RABGAP1L: variants seen among roughly 807,000 people sequenced by gnomAD.
The protein encoded by RABGAP1L is RAB GTPase activating protein 1 like.
In RABGAP1L, 63 loss-of-function variants were observed where a neutral mutation model predicts 137.7. The observed-to-expected ratio is 0.46, with a 90% CI of 0.37 to 0.56. RABGAP1L has a LOEUF of 0.56. RABGAP1L is among the 20% of genes least tolerant of loss of function. RABGAP1L has a pLI of 0.00. For missense variants in RABGAP1L, 1,095 were observed against 1,244.0 expected, an observed-to-expected ratio of 0.88 and a Z score of 1.80; for synonymous variants, 431 against 433.7, an observed-to-expected ratio of 0.99 and a Z score of 0.08.
intron 13 of RABGAP1L, among the ~76,000 whole-genome samples, chr1:174,570,298 A>T (rs1481868617): frequency 6.6e-6 from 1 of 152,284 alleles, no homozygotes; most frequent in East Asian, 1.9e-4. Context: ...TTTCAGATAG[A>T]CTAGGTTTTT....
chr1:174,397,736 A>G (rs1328389552), intron 13 of RABGAP1L, among the ~76,000 whole-genome samples: 1 of 152,158 alleles, frequency 6.6e-6, no homozygotes, highest in Non-Finnish European at 1.5e-5. Context: ...AGTCTACTCA[A>G]GGTAGCCAGA....
At chr1:174,602,656 A>T (rs575176281) in intron 13 of RABGAP1L, among the ~76,000 whole-genome samples, 1 of 152,010 alleles carries the variant, frequency 6.6e-6, no homozygotes, top group African/African-American at 2.4e-5. Context: ...GCCTTTTCTG[A>T]CTATTTATTT....
At chr1:174,224,107 G>A (rs540460571) in intron 3 of RABGAP1L, among the ~76,000 whole-genome samples, 1 of 152,256 alleles carries the variant, frequency 6.6e-6, no homozygotes, top group Admixed American at 6.5e-5. Flanking sequence ...AAACAATGGA[G>A]CATATTTTTG....
intron 13 of RABGAP1L, among the ~76,000 whole-genome samples, chr1:174,494,331 T>C (rs565403865): frequency 1.3e-5 from 2 of 152,348 alleles, no homozygotes; most frequent in Non-Finnish European, 2.9e-5. Context: ...TTTGCTGCTA[T>C]TTAAAGCACC....
chr1:174,401,102 A>G (rs1648526277), intron 13 of RABGAP1L, among the ~76,000 whole-genome samples: 1 of 152,056 alleles, frequency 6.6e-6, no homozygotes, highest in African/African-American at 2.4e-5. Context: ...AAGAGCTGTT[A>G]TATGTAAATC....
Position 174,683,538 on chromosome 1 carries a change from A to C in RABGAP1L, c.1841A>C (p.Asp614Ala). ...YKICKAYSVY[D>A]EDIGYCQGQS... is the part of the protein sequence containing the mutation. ...TTTCTCTAGGCCTACTCTGTGTATG[A>C]TGAAGACATTGGGTACTGTCAAGGG... The change falls in exon 15 of 26, where the codon GAT becomes GCT. Residue 614 changes from aspartate to alanine, a missense_variant. Asp to Ala is a moderately radical substitution (Grantham distance 126). This residue lies in a region of RABGAP1L where 315 missense variants were observed against 324.8 expected (regional missense o/e 0.97). Transcript: ENST00000681986. The C allele has an allele frequency of 1.2e-6, 2 of 1,603,612 alleles. No homozygotes were observed. Among genetic ancestry groups the C allele is most frequent in the Non-Finnish European group, 1.7e-6 (2 of 1,170,698 alleles).
chr1:174,923,878 CAAAAA>C (rs1176474943), intron 19 of RABGAP1L, among the ~76,000 whole-genome samples: 1 of 87,282 alleles, frequency 1.1e-5, no homozygotes, highest in Admixed American at 1.3e-4. Context: ...GAGACTGTCT[CAAAAA>C]AAAAAAAAAA....
At chr1:174,576,334 G>A (rs2148067764) in intron 13 of RABGAP1L, among the ~76,000 whole-genome samples, 1 of 152,092 alleles carries the variant, frequency 6.6e-6, no homozygotes, top group Admixed American at 6.6e-5. Context: ...CTCCACAAGG[G>A]TCACATTCCC....
At chr1:174,198,097 TTA>T (rs1667830102) in intron 1 of RABGAP1L, among the ~76,000 whole-genome samples, 1 of 152,216 alleles carries the variant, frequency 6.6e-6, no homozygotes, top group Non-Finnish European at 1.5e-5. Context: ...CAGATGCTTA[TTA>T]TGACTTAGAA....
chr1:174,377,041 T>A (rs1459041573), intron 12 of RABGAP1L, among the ~76,000 whole-genome samples: 1 of 152,240 alleles, frequency 6.6e-6, no homozygotes, highest in East Asian at 1.9e-4. Context: ...TATGTGCACA[T>A]CAGTTTCATT....
chr1:174,935,865 C>T (rs1182469151), intron 19 of RABGAP1L, among the ~76,000 whole-genome samples: 8 of 151,638 alleles, frequency 5.3e-5, no homozygotes, highest in Non-Finnish European at 2.9e-5. Context: ...CCTGTAATCC[C>T]AGCTACTCAG....
intron 14 of RABGAP1L, among the ~76,000 whole-genome samples, chr1:174,649,480 G>A (rs1253558271): frequency 6.6e-6 from 1 of 152,088 alleles, no homozygotes; most frequent in Non-Finnish European, 1.5e-5. Flanking sequence ...GGCTGGATAT[G>A]AAATTCTGGT....
chr1:174,384,513 A>G (rs542942328), intron 12 of RABGAP1L, among the ~76,000 whole-genome samples: 6 of 28,626 alleles, frequency 2.1e-4, no homozygotes, highest in African/African-American at 3.6e-4. Flanking sequence ...TAAACCAAAA[A>G]AAAGGAAAAA....
At chr1:174,229,880 C>T (rs2148501414) in intron 3 of RABGAP1L, among the ~76,000 whole-genome samples, 1 of 152,264 alleles carries the variant, frequency 6.6e-6, no homozygotes, top group African/African-American at 2.4e-5. Context: ...TACAGTCCCG[C>T]CAACAGTGTA....
chr1:174,304,871 C>G (rs1412616957), intron 10 of RABGAP1L, 115 bp from the exon 11 acceptor site: 1 of 960,206 alleles, frequency 1.0e-6, no homozygotes, highest in Non-Finnish European at 1.5e-6. Context: ...TGCTGTAGAT[C>G]AAACACAACA....
intron 12 of RABGAP1L, among the ~76,000 whole-genome samples, chr1:174,378,761 C>G (rs1428511508): frequency 1.4e-5 from 2 of 145,218 alleles, no homozygotes; most frequent in Non-Finnish European, 3.0e-5. Context: ...ATGGTAGTTT[C>G]TTTTGCTGTG....
chr1:174,503,947 A>T (rs1005367723), intron 13 of RABGAP1L, among the ~76,000 whole-genome samples: 9 of 150,548 alleles, frequency 6.0e-5, no homozygotes, highest in Non-Finnish European at 1.2e-4. Flanking sequence ...AAAACAATCT[A>T]CAGATTCAAT....
intron 19 of RABGAP1L, among the ~76,000 whole-genome samples, chr1:174,936,836 T>A (rs1236660950): frequency 6.6e-6 from 1 of 152,190 alleles, no homozygotes; most frequent in Non-Finnish European, 1.5e-5. Flanking sequence ...ATTATTAATT[T>A]GCATTTTATA....
intron 14 of RABGAP1L, among the ~76,000 whole-genome samples, chr1:174,653,647 C>T (rs1675736971): frequency 6.6e-6 from 1 of 152,222 alleles, no homozygotes; most frequent in African/African-American, 2.4e-5. Context: ...GTTGGAAACG[C>T]AGAAATCACC....
Sources: gnomAD v4.1 joint callset for allele counts (sites outside exome capture counted in the v4.1 genomes callset) on GRCh38, gnomAD v4.1.1 for gene constraint, gnomAD v4.1.1 regional missense constraint, MANE v1.5 for transcripts, NCBI Gene and HGNC (gene_info 2026-07-23, HGNC 2026-07-21) for gene names.